CPPED1: variants seen among roughly 807,000 people sequenced by gnomAD.
CPPED1 encodes calcineurin like phosphoesterase domain containing 1.
Under a neutral mutation model 28.0 loss-of-function variants are expected in CPPED1, and 28 were observed. The observed-to-expected ratio is 1.00, with a 90% CI of 0.74 to 1.37. CPPED1 has a LOEUF of 1.37. Ranked by LOEUF, CPPED1 falls within the 40% of genes most tolerant of loss-of-function variation. The probability of loss-of-function intolerance (pLI) is 0.00; values close to 1 mark genes in which losing one functional copy is unlikely to be tolerated. For missense variants in CPPED1, 504 were observed against 416.5 expected, an observed-to-expected ratio of 1.21 and a Z score of -1.83; for synonymous variants, 198 against 180.2, an observed-to-expected ratio of 1.10 and a Z score of -0.79.
chr16:12,735,968 G>A (rs1346104988), intron 2 of CPPED1, among the ~76,000 whole-genome samples: 1 of 152,134 alleles, frequency 6.6e-6, no homozygotes, highest in Non-Finnish European at 1.5e-5. Flanking sequence ...ACCATTATGG[G>A]CCGTCACTTT....
chr16:12,778,381 T>C (rs1262842171), intron 2 of CPPED1, among the ~76,000 whole-genome samples: 1 of 151,386 alleles, frequency 6.6e-6, no homozygotes, highest in African/African-American at 2.4e-5. Flanking sequence ...GTTCAAGCGA[T>C]TCTCCTGCCT....
At chr16:12,742,545 C>A (rs1018004063) in intron 2 of CPPED1, among the ~76,000 whole-genome samples, 3 of 152,208 alleles carry the variant, frequency 2.0e-5, no homozygotes, top group Non-Finnish European at 4.4e-5. Context: ...TTCCTCCAAA[C>A]CACCGTGGAG....
intron 2 of CPPED1, among the ~76,000 whole-genome samples, chr16:12,720,795 T>G (rs1206961729): frequency 6.6e-6 from 1 of 152,258 alleles, no homozygotes; most frequent in Non-Finnish European, 1.5e-5. Flanking sequence ...TTTTATTTTA[T>G]ACAAATTCTG....
chr16:12,774,474 A>C (rs995915383), intron 2 of CPPED1, among the ~76,000 whole-genome samples: 6 of 152,094 alleles, frequency 3.9e-5, no homozygotes, highest in Admixed American at 3.9e-4. Context: ...TCAAAAAAAA[A>C]AAAAGTTCCC....
At chr16:12,700,998 C>T (rs183076566) in intron 3 of CPPED1, among the ~76,000 whole-genome samples, 63 of 152,100 alleles carry the variant, frequency 4.1e-4, no homozygotes, top group Middle Eastern at 6.8e-3. Context: ...GATACCCCGG[C>T]GGGAGGGTCA....
intron 3 of CPPED1, among the ~76,000 whole-genome samples, chr16:12,676,146 C>T (rs1192848842): frequency 6.6e-6 from 1 of 152,160 alleles, no homozygotes; most frequent in Admixed American, 6.6e-5. Flanking sequence ...ATATATCTTC[C>T]CCAGTGACCC....
intron 2 of CPPED1, among the ~76,000 whole-genome samples, chr16:12,779,587 AC>A (rs2080517735): frequency 6.6e-6 from 1 of 151,936 alleles, no homozygotes; most frequent in Non-Finnish European, 1.5e-5. Context: ...ACAGAATTTC[AC>A]CATGTTGGCC....
chr16:12,788,809 T>A (rs544040454), intron 1 of CPPED1, among the ~76,000 whole-genome samples: 3 of 152,180 alleles, frequency 2.0e-5, no homozygotes, highest in African/African-American at 7.2e-5. Context: ...AACGTCTTGA[T>A]AAATGGGCTG....
chr16:12,790,672 G>A (rs1453718475), intron 1 of CPPED1, among the ~76,000 whole-genome samples: 1 of 152,092 alleles, frequency 6.6e-6, no homozygotes, highest in African/African-American at 2.4e-5. Flanking sequence ...TGTAATCCTA[G>A]CACTTTGGGA....
intron 3 of CPPED1, among the ~76,000 whole-genome samples, chr16:12,669,188 G>A (rs2079841429): frequency 6.6e-6 from 1 of 152,140 alleles, no homozygotes; most frequent in South Asian, 2.1e-4. Flanking sequence ...CAATGTAGAT[G>A]CACCTTAAAA....
chr16:12,799,006 T>C (rs1205244832), intron 1 of CPPED1, among the ~76,000 whole-genome samples: 1 of 152,112 alleles, frequency 6.6e-6, no homozygotes, highest in Non-Finnish European at 1.5e-5. Context: ...ATACCACTAC[T>C]GGAAGGAGTT....
In CPPED1 at chr16:12,704,641, T is replaced by C. The variant is rs2080038228; in HGVS notation, c.698A>G (p.Asp233Gly). ...LSKSTRKKLA[D>G]KFIHAGVKVV... ...GCCTCTACCTGCGTGGATGAACTTG[T>C]CTGCCAACTTCTTCCGAGTGGACTT... The change falls in exon 3 of 4, where the codon GAC becomes GGC. Residue 233 changes from aspartate to glycine, a missense_variant. Transcript: ENST00000381774. 6.2e-7 allele frequency: 1 copy of C among 1,610,500 alleles called. No homozygotes were observed. Among genetic ancestry groups the C allele is most frequent in the African/African-American group, 1.3e-5 (1 of 74,886 alleles).
At chr16:12,756,937 C>A (rs1483527856) in intron 2 of CPPED1, among the ~76,000 whole-genome samples, 1 of 152,166 alleles carries the variant, frequency 6.6e-6, no homozygotes, top group African/African-American at 2.4e-5. Flanking sequence ...AACAACTTTC[C>A]ACATCTTACT....
intron 2 of CPPED1, among the ~76,000 whole-genome samples, chr16:12,734,540 C>T (rs978523710): frequency 4.6e-5 from 7 of 152,226 alleles, no homozygotes; most frequent in South Asian, 4.1e-4. Flanking sequence ...CCACTGTCCC[C>T]GGCTAATTTT....
chr16:12,738,597 G>A (rs74978611), intron 2 of CPPED1, among the ~76,000 whole-genome samples: 4,450 of 151,950 alleles, frequency 0.029, 137 homozygotes, highest in African/African-American at 0.08. Context: ...AGATTTTTCA[G>A]GAATAAGAAA....
intron 1 of CPPED1, among the ~76,000 whole-genome samples, chr16:12,784,720 T>C (rs2080552646): frequency 6.6e-6 from 1 of 152,200 alleles, no homozygotes; most frequent in Admixed American, 6.5e-5. Flanking sequence ...CAGAACCAGA[T>C]AAGGGAGGTG....
chr16:12,734,072 T>TG (rs1278826369), intron 2 of CPPED1, among the ~76,000 whole-genome samples: 24 of 123,268 alleles, frequency 1.9e-4, no homozygotes, highest in East Asian at 4.5e-4. Flanking sequence ...TTTTTTTTTT[T>TG]TTTTTTTTTT....
chr16:12,694,681 A>G (rs2079979987), intron 3 of CPPED1, among the ~76,000 whole-genome samples: 1 of 128,550 alleles, frequency 7.8e-6, no homozygotes. Flanking sequence ...AACTTCCTCT[A>G]GCTGATAAGG....
At chr16:12,673,228 G>A (rs974554491) in intron 3 of CPPED1, among the ~76,000 whole-genome samples, 3 of 152,140 alleles carry the variant, frequency 2.0e-5, no homozygotes, top group African/African-American at 7.2e-5. Context: ...TGCAGGGGCG[G>A]TGGAAATGAC....
Sources: allele counts gnomAD v4.1 joint callset (sites outside exome capture counted in the v4.1 genomes callset), GRCh38; gene constraint gnomAD v4.1.1; transcripts MANE v1.5; gene names NCBI Gene and HGNC (gene_info 2026-07-23, HGNC 2026-07-21).